VPS13B: variants seen among roughly 807,000 people sequenced by gnomAD.
The protein encoded by VPS13B is vacuolar protein sorting 13 homolog B, also known as intermembrane lipid transfer protein VPS13B.
In VPS13B, 285 loss-of-function variants were observed where a neutral mutation model predicts 426.4. The ratio of observed to expected loss-of-function variants is 0.67; its 90% CI spans 0.61 to 0.74. VPS13B has a LOEUF of 0.74. Among genes scored for constraint, VPS13B ranks in the 30% least tolerant of loss-of-function variants. The pLI, the probability that VPS13B is intolerant of heterozygous loss-of-function variation, is 0.00. For synonymous variants in VPS13B, 1,676 were observed against 1,676.4 expected (o/e 1.00, Z 0.01); for missense variants, 4,537 against 4,782.6 (o/e 0.95, Z 1.51).
intron 56 of VPS13B, among the ~76,000 whole-genome samples, chr8:99,856,811 A>C (rs1816572638): frequency 6.6e-6 from 1 of 152,250 alleles, no homozygotes; most frequent in African/African-American, 2.4e-5. Context: ...ACTGCACTCC[A>C]ACCTGGACAA....
intron 44 of VPS13B, 57 bp downstream of exon 44, chr8:99,809,587 A>G: frequency 6.2e-7 from 1 of 1,601,390 alleles, no homozygotes; most frequent in South Asian, 1.1e-5. Flanking sequence ...TGTAATGGAG[A>G]TGAAAATAAT....
At chr8:99,221,987 A>G (rs1414341975) in intron 17 of VPS13B, among the ~76,000 whole-genome samples, 1 of 152,208 alleles carries the variant, frequency 6.6e-6, no homozygotes, top group Non-Finnish European at 1.5e-5. Context: ...GTTAGAATAT[A>G]AAGATTTGTT....
chr8:99,156,398 G>T (rs1209879816), intron 14 of VPS13B, 151 bp from the exon 15 acceptor site: 2 of 691,822 alleles, frequency 2.9e-6, no homozygotes, highest in Non-Finnish European at 4.7e-6. Flanking sequence ...TTTGTTATTT[G>T]GTTATGGCAA....
At chr8:99,366,484 A>G (rs1314700634) in intron 19 of VPS13B, among the ~76,000 whole-genome samples, 1 of 147,400 alleles carries the variant, frequency 6.8e-6, no homozygotes. Context: ...TTATGGGTGA[A>G]GTGTGTTTCT....
intron 33 of VPS13B, among the ~76,000 whole-genome samples, chr8:99,588,105 C>G (rs1826402930): frequency 6.6e-6 from 1 of 151,680 alleles, no homozygotes; most frequent in African/African-American, 2.4e-5. Flanking sequence ...TTGTTTTTGT[C>G]AGGTTTGTCA....
intron 39 of VPS13B, among the ~76,000 whole-genome samples, chr8:99,750,154 A>G (rs773737082): frequency 2.8e-4 from 43 of 152,154 alleles, no homozygotes; most frequent in South Asian, 2.1e-4. Context: ...TGAATGGTAT[A>G]TATTTTATAT....
intron 19 of VPS13B, among the ~76,000 whole-genome samples, chr8:99,285,176 T>G (rs1819366672): frequency 6.6e-6 from 1 of 152,192 alleles, no homozygotes; most frequent in Non-Finnish European, 1.5e-5. Context: ...ATCCTTTACC[T>G]AGTTTCGTTA....
intron 4 of VPS13B, among the ~76,000 whole-genome samples, chr8:99,099,799 T>A (rs1448203408): frequency 5.3e-5 from 8 of 152,314 alleles, no homozygotes; most frequent in Admixed American, 5.2e-4. Context: ...TGTTTTCATC[T>A]GGGCCTGTGG....
rs1290255264 is a variant in VPS13B at position 99,192,878 on chromosome 8, C to T, written c.2336C>T (p.Thr779Ile). The part of the protein sequence containing the change: ...GKLLKLPTCW[T>I]KRSQIAITEG... ...ATTCTTTCTGTTTTCTTGTGCAGGA[C>T]CAAAAGATCTCAGATTGCTATAACT... Residue 779 changes from threonine to isoleucine, a missense_variant and splice_region_variant, in exon 17 of 62, where the codon ACC (threonine) becomes ATC (isoleucine). Physicochemically the swap from Thr to Ile is moderately conservative, Grantham distance 89. This residue lies in a region of VPS13B where 4,311 missense variants were observed against 4,474.3 expected (regional missense o/e 0.96). Coordinates refer to ENST00000357162, the MANE Select transcript of VPS13B (RefSeq NM_152564.5). The T allele has an allele frequency of 6.8e-6, 11 of 1,612,660 alleles. No homozygotes were observed. In the South Asian group the frequency reaches 1.2e-4, roughly 18 times the overall value.
intron 19 of VPS13B, among the ~76,000 whole-genome samples, chr8:99,365,973 T>G (rs1237924466): frequency 1.3e-5 from 2 of 149,614 alleles, no homozygotes; most frequent in Admixed American, 6.7e-5. Flanking sequence ...TTTTTGTTGT[T>G]TTTTTTTTTT....
intron 16 of VPS13B, among the ~76,000 whole-genome samples, chr8:99,180,347 T>A (rs1265675587): frequency 2.0e-5 from 3 of 152,142 alleles, no homozygotes; most frequent in Non-Finnish European, 2.9e-5. Flanking sequence ...AAATATTTAT[T>A]GGGTCCATGG....
chr8:99,336,558 A>G (rs1563674581), intron 19 of VPS13B, among the ~76,000 whole-genome samples: 1 of 152,152 alleles, frequency 6.6e-6, no homozygotes, highest in Admixed American at 6.5e-5. Flanking sequence ...AAAAGAAACT[A>G]CCATCAGAGT....
intron 17 of VPS13B, among the ~76,000 whole-genome samples, chr8:99,272,165 A>G (rs1818640583): frequency 6.6e-6 from 1 of 152,186 alleles, no homozygotes; most frequent in African/African-American, 2.4e-5. Flanking sequence ...AATTATTCAT[A>G]CATAGTTAAA....
intron 33 of VPS13B, among the ~76,000 whole-genome samples, chr8:99,601,966 A>C (rs1827321832): frequency 6.6e-6 from 1 of 152,124 alleles, no homozygotes; most frequent in African/African-American, 2.4e-5. Flanking sequence ...CTCTGATGAT[A>C]GTTTCTTTTG....
At chr8:99,738,794 T>C (rs1833944005) in intron 39 of VPS13B, among the ~76,000 whole-genome samples, 1 of 152,212 alleles carries the variant, frequency 6.6e-6, no homozygotes. Flanking sequence ...TAATGTTTAG[T>C]GCTAGTGCTA....
chr8:99,532,241 AC>A (rs1723264933), intron 30 of VPS13B, among the ~76,000 whole-genome samples: 1 of 152,102 alleles, frequency 6.6e-6, no homozygotes, highest in Non-Finnish European at 1.5e-5. Context: ...CAACCGTTTT[AC>A]ATTTTTTTGC....
At chr8:99,537,395 A>G (rs1253809818) in intron 30 of VPS13B, among the ~76,000 whole-genome samples, 1 of 152,226 alleles carries the variant, frequency 6.6e-6, no homozygotes, top group South Asian at 2.1e-4. Context: ...ATAATAAAAT[A>G]GTTAAATCTA....
chr8:99,096,045 C>A (rs1176182365), intron 3 of VPS13B, among the ~76,000 whole-genome samples: 1 of 152,062 alleles, frequency 6.6e-6, no homozygotes, highest in Non-Finnish European at 1.5e-5. Flanking sequence ...AATAAGAATT[C>A]TTTGGAGATT....
intron 33 of VPS13B, among the ~76,000 whole-genome samples, chr8:99,603,105 T>G (rs1032948590): frequency 6.6e-6 from 1 of 152,180 alleles, no homozygotes; most frequent in African/African-American, 2.4e-5. Flanking sequence ...TGGAATTTAT[T>G]GGAATGAGAA....
Sources: allele counts gnomAD v4.1 joint callset (sites outside exome capture counted in the v4.1 genomes callset), GRCh38; gene constraint gnomAD v4.1.1; regional missense constraint gnomAD v4.1.1; transcripts MANE v1.5; gene names NCBI Gene and HGNC (gene_info 2026-07-23, HGNC 2026-07-21).